The following LMTK3 variants were observed in gnomAD, a reference collection of about 807,000 sequenced individuals.
LMTK3 encodes the protein lemur tail kinase 3.
LMTK3 carries 27 observed loss-of-function variants against 116.7 expected under a neutral mutation model. That is an observed-to-expected ratio of 0.23 (90% CI 0.17 to 0.32). The LOEUF (loss-of-function observed/expected upper bound fraction) is 0.32. Ranked by LOEUF, LMTK3 falls within the 10% of genes least tolerant of loss-of-function variation. The pLI, the probability that LMTK3 is intolerant of heterozygous loss-of-function variation, is 1.00. For synonymous variants in LMTK3, 965 were observed against 971.0 expected, an observed-to-expected ratio of 0.99 and a Z score of 0.11; for missense variants, 1,764 against 2,068.5, an observed-to-expected ratio of 0.85 and a Z score of 2.86.
In LMTK3 at chr19:48,498,321, G is replaced by T. The variant is rs747172279; in HGVS notation, c.2748C>A (p.Ala916=). 1 of 1,613,296 alleles carries T rather than the reference G, an allele frequency of 6.2e-7. No individual in the cohort carries two copies. The highest frequency in any genetic ancestry group is 1.1e-5 in the South Asian group (1 of 91,060). Residue 916 remains alanine, a synonymous_variant, in exon 11 of 15, where the codon GCC becomes GCA. Coordinates refer to ENST00000600059, the MANE Select transcript of LMTK3 (RefSeq NM_001388485.1). ...CGTTCACTGGGAGGCTCAGGCTTGG[G>T]GCTTGTTTCCCGTTGCCCAGGACTG... ...DPTVLGNGKQ[A]PSLSLPVNGV... is the part of the protein sequence containing the mutation.
At chr19:48,492,375 C>G (rs985727427) in intron 12 of LMTK3, among the ~76,000 whole-genome samples, 1 of 152,152 alleles carries the variant, frequency 6.6e-6, no homozygotes, top group African/African-American at 2.4e-5. Context: ...TTTTAAGAGA[C>G]GAGGTCTCGC....
In LMTK3 at chr19:48,498,895, G is replaced by T. The variant is rs1316486911; in HGVS notation, c.2174C>A (p.Pro725His). 4.1e-6 allele frequency: 5 copies of T among 1,220,694 alleles called. No individual in the cohort carries two copies. Among genetic ancestry groups the T allele is most frequent in the Non-Finnish European group, 5.2e-6 (5 of 960,504 alleles). 75.6% of individuals were successfully genotyped at this position (1,220,694 alleles called of 1,614,324 possible). A position where few individuals can be genotyped will look rare whatever the true frequency, so the allele number is the denominator to read the frequency against. The change falls in exon 11 of 15, where the codon CCC becomes CAC. Residue 725 changes from proline (P) to histidine (H), a missense_variant. Pro to His is a moderately conservative substitution (Grantham distance 77). Coordinates refer to ENST00000600059, the MANE Select transcript of LMTK3 (RefSeq NM_001388485.1). ...GSLADLPMAPPASAPPEFLDP... is the reference protein window; with the variant it reads ...GSLADLPMAPHASAPPEFLDP... ...CAGAAACTCGGGGGGGGCCGAGGCG[G>T]GGGGGGCCATGGGCAAGTCGGCCAG...
At chr19:48,502,220 A>C (rs1246890456) in intron 7 of LMTK3, among the ~76,000 whole-genome samples, 2 of 77,452 alleles carry the variant, frequency 2.6e-5, no homozygotes, top group African/African-American at 1.1e-4. Context: ...TCCCCTCATC[A>C]CCTGACCCCG....
At chr19:48,511,283 T>C (rs893914160) in intron 1 of LMTK3, among the ~76,000 whole-genome samples, 11 of 152,126 alleles carry the variant, frequency 7.2e-5, no homozygotes, top group African/African-American at 2.7e-4. Flanking sequence ...CATACACACA[T>C]GTTGCCCAAA....
At chr19:48,504,633 T>C (rs1972532458) in intron 5 of LMTK3, among the ~76,000 whole-genome samples, 1 of 152,036 alleles carries the variant, frequency 6.6e-6, no homozygotes. Context: ...CACTGCAACC[T>C]CCACCTCCCG....
chr19:48,502,371 A>C, intron 7 of LMTK3, 62 bp downstream of exon 7: 1 of 1,302,170 alleles, frequency 7.7e-7, no homozygotes, highest in Non-Finnish European at 1.1e-6. Context: ...CCCTCCCCTG[A>C]GGCCTCACCT....
intron 6 of LMTK3, 27 bp downstream of exon 6, chr19:48,502,882 C>A (rs996431522): frequency 6.4e-7 from 1 of 1,569,448 alleles, no homozygotes; most frequent in African/African-American, 1.3e-5. Context: ...CCCCCTCTGC[C>A]CTTCCCCAAC....
rs1569105402 is a variant in LMTK3 at position 48,502,517 on chromosome 19, G to T, written c.710C>A (p.Pro237His). ...PPEGLSPELP[P>H]RDLRTLQRMG... ...CCTCTGCAGCGTCCGCAGGTCTCGA[G>T]GGGGTAGCTCAGGGGACAGGCCCTC... The change falls in exon 7 of 15, where the codon CCT becomes CAT. Residue 237 changes from proline (P) to histidine (H), a missense_variant. Pro to His is a moderately conservative substitution (Grantham distance 77). Coordinates refer to ENST00000600059, the MANE Select transcript of LMTK3 (RefSeq NM_001388485.1). 1.9e-6 allele frequency: 3 copies of T among 1,607,906 alleles called. No individual in the cohort carries two copies. Among genetic ancestry groups the T allele is most frequent in the Non-Finnish European group, 2.5e-6 (3 of 1,177,596 alleles).
chr19:48,495,841 CTATT>C (rs996448824), intron 11 of LMTK3, among the ~76,000 whole-genome samples: 9 of 152,216 alleles, frequency 5.9e-5, no homozygotes. Context: ...TAAACAAGGG[CTATT>C]TATTTTTACC....
chr19:48,501,651 A>AT (rs1972470545), intron 7 of LMTK3, 89 bp from the exon 8 acceptor site: 1 of 1,266,208 alleles, frequency 7.9e-7, no homozygotes, highest in Non-Finnish European at 1.1e-6. Flanking sequence ...CACCCCTCCC[A>AT]TGACCCTGCC....
At chr19:48,489,497 C>T (rs868160075) in intron 14 of LMTK3, among the ~76,000 whole-genome samples, 5 of 151,550 alleles carry the variant, frequency 3.3e-5, no homozygotes, top group African/African-American at 9.7e-5. Context: ...CGCTTGAACC[C>T]GGGAGGTGGA....
intron 14 of LMTK3, among the ~76,000 whole-genome samples, chr19:48,489,446 G>T (rs1000763782): frequency 6.6e-6 from 1 of 152,100 alleles, no homozygotes; most frequent in South Asian, 2.1e-4. Flanking sequence ...GGTGGTGGGT[G>T]CCTGTAATTC....
At chr19:48,495,953 A>T (rs1372248483) in intron 11 of LMTK3, among the ~76,000 whole-genome samples, 1 of 152,172 alleles carries the variant, frequency 6.6e-6, no homozygotes, top group Non-Finnish European at 1.5e-5. Context: ...CTTCCAGCTC[A>T]CTAGTCCTAT....
At chr19:48,486,556 G>A (rs2147525170) in intron 14 of LMTK3, among the ~76,000 whole-genome samples, 1 of 144,826 alleles carries the variant, frequency 6.9e-6, no homozygotes, top group Middle Eastern at 3.8e-3. Flanking sequence ...GCTTTGTTTT[G>A]AGATGGAGTC....
At position 48,497,356 on chromosome 19, in the gene LMTK3, G is replaced by A. The variant is rs370819590; in HGVS notation, c.3676+37C>T. 1.9e-5 allele frequency: 27 copies of A among 1,424,520 alleles called. No homozygotes were observed. The African/African-American group carries it at 3.4e-4, about 18-fold the overall frequency. The allele number at this position is 1,424,520 out of a possible 1,614,324, so 88.2% of individuals were successfully genotyped here. On this transcript the variant is annotated intron_variant, in intron 11 of 14. Transcript: ENST00000600059. The surrounding 1 kb of genome is among the most constrained non-coding windows in gnomAD (Gnocchi z 5.7). Reference sequence around the variant, plus strand: ...CCCTCCGCACGCCTCGGAAACAGCCGGACCTCAGCCCTGACTGTGCCCCGC... The same window carrying A: ...CCCTCCGCACGCCTCGGAAACAGCCAGACCTCAGCCCTGACTGTGCCCCGC...
intron 11 of LMTK3, among the ~76,000 whole-genome samples, chr19:48,496,690 C>T (rs1205540543): frequency 6.6e-6 from 1 of 152,094 alleles, no homozygotes; most frequent in Admixed American, 6.6e-5. Flanking sequence ...CTCAAGTGAT[C>T]CTCCTGCCTC....
intron 14 of LMTK3, among the ~76,000 whole-genome samples, chr19:48,486,341 G>A (rs935938038): frequency 6.6e-6 from 1 of 151,754 alleles, no homozygotes; most frequent in African/African-American, 2.4e-5. Context: ...TTACAGGCGT[G>A]AGCCACCGCG....
chr19:48,491,184 G>A lies in LMTK3; in HGVS notation c.4290C>T (p.Cys1430=). ...PLLPPPGPPL[C]FSRFSVSPAL... Reference sequence around the variant, plus strand: ...CAGGCGAGACGGAGAAGCGGGAGAAGCACAGCGGGGGGCCTGGAGGGGGGA... The same window carrying A: ...CAGGCGAGACGGAGAAGCGGGAGAAACACAGCGGGGGGCCTGGAGGGGGGA... Residue 1430 remains cysteine, a synonymous_variant, in exon 14 of 15, where the codon TGC becomes TGT. Transcript: ENST00000600059. The surrounding 1 kb of genome is among the most constrained non-coding windows in gnomAD (Gnocchi z 5.1). 1 of 1,363,118 alleles carries A rather than the reference G, an allele frequency of 7.3e-7. No homozygotes were observed. Among genetic ancestry groups the A allele is most frequent in the African/African-American group, 1.5e-5 (1 of 64,952 alleles). 84.4% of individuals were successfully genotyped at this position (1,363,118 alleles called of 1,614,324 possible). A position where few individuals can be genotyped will look rare whatever the true frequency, so the allele number is the denominator to read the frequency against.
chr19:48,496,119 G>GT lies in LMTK3; in HGVS notation c.3676+1273dup, dbSNP rs528090327. Among the ~76,000 whole-genome samples the GT allele has an allele frequency of 5.8e-3, 875 of 151,584 alleles. 8 individuals carry two copies. Among genetic ancestry groups the GT allele is most frequent in the African/African-American group, 0.02 (825 of 41,342 alleles). On this transcript the variant is annotated intron_variant, in intron 11 of 14. Transcript: ENST00000600059. ...GTTTCTGTTTGTTTTGTTTTGTTTTGTTTTGTTTGAGACAGAGTCTTGCTC... is the reference window on the plus strand; with the variant it reads ...GTTTCTGTTTGTTTTGTTTTGTTTTGTTTTTGTTTGAGACAGAGTCTTGCTC...
Sources: gnomAD v4.1 joint callset for allele counts (sites outside exome capture counted in the v4.1 genomes callset) on GRCh38, gnomAD v4.1.1 for gene constraint, Gnocchi (gnomAD v3.1) non-coding constraint, MANE v1.5 for transcripts, NCBI Gene and HGNC (gene_info 2026-07-23, HGNC 2026-07-21) for gene names.